The following FAM161A variants were observed in gnomAD, a reference collection of about 807,000 sequenced individuals.
FAM161A encodes the protein FAM161 centrosomal protein A.
In FAM161A, 57 loss-of-function variants were observed where a neutral mutation model predicts 70.9. That is an observed-to-expected ratio of 0.80 (90% CI 0.65 to 1.00). FAM161A has a LOEUF of 1.00. Among genes scored for constraint, FAM161A ranks in the 50% least tolerant of loss-of-function variants. The pLI is 0.00. For missense variants in FAM161A, 880 were observed against 836.0 expected (o/e 1.05, Z -0.65); for synonymous variants, 299 against 295.7 (o/e 1.01, Z -0.12).
Position 61,825,704 on chromosome 2 carries a change from C to G in FAM161A, c.*751G>C. The G allele has an allele frequency of 2.4e-6, 1 of 416,306 alleles. No homozygotes were observed. Among genetic ancestry groups the G allele is most frequent in the Non-Finnish European group, 4.7e-6 (1 of 214,806 alleles). The allele number at this position is 416,306 out of a possible 1,614,324, so 25.8% of individuals were successfully genotyped here. Reference sequence around the variant, plus strand: ...CCAAGCTGGAGTGCAGTGGCGCGATCTCGGCTCACTGCAAGCTCTGCCTCC... The same window carrying G: ...CCAAGCTGGAGTGCAGTGGCGCGATGTCGGCTCACTGCAAGCTCTGCCTCC... On this transcript the variant is annotated 3_prime_UTR_variant, in exon 7 of 7. Transcript: ENST00000404929.
the FAM161A span, among the ~76,000 whole-genome samples, chr2:61,806,242 A>G: frequency 1.3e-5 from 2 of 152,154 alleles, no homozygotes; most frequent in African/African-American, 4.8e-5. Flanking sequence ...AGAAAGAAAG[A>G]AATTGCAATC....
intron 5 of FAM161A, among the ~76,000 whole-genome samples, chr2:61,832,708 C>T (rs998421635): frequency 2.0e-5 from 3 of 152,184 alleles, no homozygotes; most frequent in Non-Finnish European, 2.9e-5. Flanking sequence ...TGACCCCTAT[C>T]GTGAAGTGCT....
chr2:61,817,083 G>A, the FAM161A span, among the ~76,000 whole-genome samples: 3 of 152,184 alleles, frequency 2.0e-5, no homozygotes, highest in Non-Finnish European at 2.9e-5. Flanking sequence ...TTTAATATGT[G>A]GTTTGTCACT....
In FAM161A at chr2:61,842,463, G is replaced by A; in HGVS notation, c.184-103C>T. On this transcript the variant is annotated intron_variant, in intron 1 of 6. Coordinates refer to ENST00000404929, the MANE Select transcript of FAM161A (RefSeq NM_001201543.2). Reference sequence around the variant, plus strand: ...CTTCTTAAAGAGTCCACCTAGTTAGGTTATACATTAATTATGGGCTATGCA... The same window carrying A: ...CTTCTTAAAGAGTCCACCTAGTTAGATTATACATTAATTATGGGCTATGCA... 4.4e-6 allele frequency: 3 copies of A among 685,948 alleles called. No individual in the cohort carries two copies. In the South Asian group the frequency reaches 5.6e-5, roughly 13 times the overall value. The allele number at this position is 685,948 out of a possible 1,614,324, so 42.5% of individuals were successfully genotyped here.
the FAM161A span, among the ~76,000 whole-genome samples, chr2:61,812,601 A>G: frequency 2.6e-5 from 4 of 152,126 alleles, no homozygotes; most frequent in Admixed American, 2.6e-4. Context: ...GGGTGCCTGC[A>G]ATCTCAGCTA....
Position 61,839,641 on chromosome 2 carries a change from T to C in FAM161A, c.1363A>G (p.Lys455Glu). Residue 455 changes from lysine (K) to glutamate (E), a missense_variant, in exon 3 of 7, where the codon AAA becomes GAA. Transcript: ENST00000404929. Reference sequence around the variant, plus strand: ...GGAGATGCATGAAGATCAAATGGTTTACACACTGTTAAGAGTTTTGGAGAC... The same window carrying C: ...GGAGATGCATGAAGATCAAATGGTTCACACACTGTTAAGAGTTTTGGAGAC... ...HKSPKLLTVC[K>E]PFDLHASPHA... 1 of 1,614,260 alleles carries C rather than the reference T, an allele frequency of 6.2e-7. No homozygotes were observed. The highest frequency in any genetic ancestry group is 8.5e-7 in the Non-Finnish European group (1 of 1,180,050).
intron 1 of FAM161A, among the ~76,000 whole-genome samples, chr2:61,844,604 C>T (rs897478051): frequency 6.6e-5 from 10 of 152,056 alleles, no homozygotes; most frequent in Admixed American, 2.6e-4. Context: ...GAGGCTGAAG[C>T]GGAAGAGTCA....
At chr2:61,843,425 C>T (rs114884859) in intron 1 of FAM161A, among the ~76,000 whole-genome samples, 1,655 of 152,306 alleles carry the variant, frequency 0.011, 35 homozygotes, top group African/African-American at 0.038. Flanking sequence ...CCGTGCCCTA[C>T]CCTTTCAGTT....
At chr2:61,828,806 G>A (rs558122592) in intron 5 of FAM161A, among the ~76,000 whole-genome samples, 8 of 152,232 alleles carry the variant, frequency 5.3e-5, no homozygotes, top group Non-Finnish European at 7.4e-5. Flanking sequence ...GTCACTTCCC[G>A]GCTTTAAGAT....
the FAM161A span, among the ~76,000 whole-genome samples, chr2:61,806,788 G>T: frequency 1.3e-5 from 2 of 148,322 alleles, no homozygotes; most frequent in Non-Finnish European, 3.0e-5. Flanking sequence ...CGCCTCCGGG[G>T]TTCACACCAT....
downstream of FAM161A, among the ~76,000 whole-genome samples, chr2:61,821,763 ATTT>A (rs1343222575): frequency 6.6e-6 from 1 of 151,158 alleles, no homozygotes; most frequent in Non-Finnish European, 1.5e-5. Flanking sequence ...ATTTTATTTT[ATTT>A]TATTTATTAT....
rs1290287448 is a variant in FAM161A at position 61,825,415 on chromosome 2, CT to C, written c.*1039del. On this transcript the variant is annotated 3_prime_UTR_variant, in exon 7 of 7. Transcript: ENST00000404929. ...CATATAAAAAAAGGGATACTTGCCC[CT>C]AATTTAGATTATAACTCACACATGC... 1 of 454,018 alleles carries C rather than the reference CT, an allele frequency of 2.2e-6. No homozygotes were observed. The highest frequency in any genetic ancestry group is 1.6e-5 in the South Asian group (1 of 64,472). 28.1% of individuals were successfully genotyped at this position (454,018 alleles called of 1,614,324 possible).
chr2:61,834,060 C>T (rs1271165421), intron 5 of FAM161A, among the ~76,000 whole-genome samples: 2 of 152,084 alleles, frequency 1.3e-5, no homozygotes, highest in Admixed American at 1.3e-4. Context: ...CAGACAATAA[C>T]AAGTGCTGAT....
At chr2:61,826,686 G>T in intron 6 of FAM161A, 87 bp from the exon 7 acceptor site, 1 of 1,129,392 alleles carries the variant, frequency 8.9e-7, no homozygotes, top group Non-Finnish European at 1.3e-6. Context: ...CCACCGTGTA[G>T]CCAGTCTTCC....
intron 1 of FAM161A, among the ~76,000 whole-genome samples, chr2:61,845,803 A>G (rs1673186610): frequency 7.0e-6 from 1 of 141,918 alleles, no homozygotes. Flanking sequence ...TCAAGAAAAA[A>G]GAAGGCTGGG....
chr2:61,827,048 T>C (rs183585301), intron 6 of FAM161A, 56 bp downstream of exon 6: 1 of 1,561,152 alleles, frequency 6.4e-7, no homozygotes, highest in East Asian at 2.2e-5. Flanking sequence ...ATTGTGCTTT[T>C]CTGCAGGTAA....
chr2:61,849,572 G>T (rs781026863), intron 1 of FAM161A, among the ~76,000 whole-genome samples: 38 of 151,946 alleles, frequency 2.5e-4, no homozygotes, highest in Non-Finnish European at 5.0e-4. Context: ...ATCACTTGAG[G>T]TCAGGAGTTC....
chr2:61,822,411 G>A (rs534902692), downstream of FAM161A, among the ~76,000 whole-genome samples: 1 of 152,200 alleles, frequency 6.6e-6, no homozygotes, highest in Admixed American at 6.5e-5. Context: ...TTAGGACAAA[G>A]TAATTACTTT....
At position 61,840,275 on chromosome 2, in the gene FAM161A, T is replaced by C. The variant is rs1471814065; in HGVS notation, c.729A>G (p.Gln243=). Residue 243 remains glutamine (Q), a synonymous_variant, in exon 3 of 7, where the codon CAA becomes CAG. Transcript: ENST00000404929. ...TTTTCTTCTGTTCTCTTATCATCAT[T>C]TGAAAAGGCTCCGGTACTGTAATTG... The part of the protein sequence containing the change: ...VPTITVPEPF[Q]MMIREQKKKE... 1 of 1,614,060 alleles carries C rather than the reference T, an allele frequency of 6.2e-7. No homozygotes were observed. Among genetic ancestry groups the C allele is most frequent in the Non-Finnish European group, 8.5e-7 (1 of 1,180,052 alleles).
Sources: gnomAD v4.1 joint callset for allele counts (sites outside exome capture counted in the v4.1 genomes callset) on GRCh38, gnomAD v4.1.1 for gene constraint, MANE v1.5 for transcripts, NCBI Gene and HGNC (gene_info 2026-07-23, HGNC 2026-07-21) for gene names.